The following GALNTL6 variants were observed in gnomAD, a reference collection of about 807,000 sequenced individuals.
GALNTL6 encodes polypeptide N-acetylgalactosaminyltransferase like 6, also known as polypeptide N-acetylgalactosaminyltransferase-like 6.
GALNTL6 carries 46 observed loss-of-function variants against 73.7 expected under a neutral mutation model. That is an observed-to-expected ratio of 0.62 (90% CI 0.49 to 0.80). GALNTL6 has a LOEUF of 0.80. GALNTL6 is among the 30% of genes least tolerant of loss of function. The pLI is 0.00. For synonymous variants in GALNTL6, 259 were observed against 263.7 expected (o/e 0.98, Z 0.17); for missense variants, 604 against 755.0 (o/e 0.80, Z 2.34).
At chr4:172,783,769 C>G (rs1021225546) in intron 5 of GALNTL6, among the ~76,000 whole-genome samples, 2 of 151,956 alleles carry the variant, frequency 1.3e-5, no homozygotes, top group Non-Finnish European at 2.9e-5. Flanking sequence ...AAGCCCTGTT[C>G]AGCATGTTAG....
intron 7 of GALNTL6, among the ~76,000 whole-genome samples, chr4:172,857,116 C>T (rs1359311977): frequency 6.6e-6 from 1 of 152,202 alleles, no homozygotes; most frequent in East Asian, 1.9e-4. Flanking sequence ...GCAGCTCCAC[C>T]GACTTCAGTC....
chr4:172,512,763 A>G (rs758746578), intron 5 of GALNTL6, among the ~76,000 whole-genome samples: 13 of 152,322 alleles, frequency 8.5e-5, no homozygotes, highest in East Asian at 1.9e-4. Flanking sequence ...GAGGCTAAAC[A>G]TAGTACCCCC....
At chr4:172,421,470 C>T (rs1212923799) in intron 5 of GALNTL6, among the ~76,000 whole-genome samples, 2 of 151,180 alleles carry the variant, frequency 1.3e-5, no homozygotes, top group African/African-American at 4.9e-5. Flanking sequence ...TTATAGAAAA[C>T]TTTTAATGGC....
intron 9 of GALNTL6, among the ~76,000 whole-genome samples, chr4:172,948,618 A>ATTTT (rs369982668): frequency 0.047 from 6,399 of 136,422 alleles, 214 homozygotes; most frequent in Non-Finnish European, 0.065. Flanking sequence ...AGCCTCGCTA[A>ATTTT]TTTTTTTTTT....
chr4:172,770,986 G>T (rs1281994560), intron 5 of GALNTL6, among the ~76,000 whole-genome samples: 8 of 152,106 alleles, frequency 5.3e-5, no homozygotes, highest in Non-Finnish European at 1.0e-4. Flanking sequence ...CACTATTTTT[G>T]CTGACTTTGT....
intron 2 of GALNTL6, among the ~76,000 whole-genome samples, chr4:171,984,336 T>A (rs575690774): frequency 6.6e-6 from 1 of 152,166 alleles, no homozygotes. Flanking sequence ...GTCTTAAGGG[T>A]CTTGCTTTGC....
intron 2 of GALNTL6, among the ~76,000 whole-genome samples, chr4:171,905,463 C>T (rs1259701836): frequency 6.6e-6 from 1 of 151,478 alleles, no homozygotes; most frequent in African/African-American, 2.4e-5. Context: ...TATATATGCA[C>T]CCAATACAGG....
At chr4:173,015,836 C>T (rs1403749940) in intron 11 of GALNTL6, among the ~76,000 whole-genome samples, 1 of 152,220 alleles carries the variant, frequency 6.6e-6, no homozygotes, top group African/African-American at 2.4e-5. Context: ...GGGAATATGT[C>T]TCCAGAGCAA....
chr4:172,415,167 G>A lies in GALNTL6; in HGVS notation c.553+66478G>A, dbSNP rs192651201. Among the ~76,000 whole-genome samples, 424 of 152,176 alleles carry A rather than the reference G, an allele frequency of 2.8e-3. 5 individuals are homozygous for A. The highest frequency in any genetic ancestry group is 2.2e-3 in the Non-Finnish European group (152 of 68,012). The stretch of plus-strand genomic sequence containing the variant: ...CATTTTGACCAAATATTTTGCTATC[G>A]GTTTACATGGCTGAGCAACTTTCCA... On this transcript the variant is annotated intron_variant, in intron 5 of 12. Transcript: ENST00000506823.
chr4:172,010,964 T>C (rs1740988669), intron 2 of GALNTL6, among the ~76,000 whole-genome samples: 1 of 152,014 alleles, frequency 6.6e-6, no homozygotes, highest in African/African-American at 2.4e-5. Context: ...GTAAACAAAA[T>C]TATGAAAAAT....
chr4:172,314,989 A>G (rs1007497525), intron 4 of GALNTL6, among the ~76,000 whole-genome samples: 2 of 152,156 alleles, frequency 1.3e-5, no homozygotes, highest in African/African-American at 4.8e-5. Context: ...TGGCTTTATT[A>G]TTTCAGAATC....
chr4:172,074,167 C>T (rs1731634606), intron 2 of GALNTL6, among the ~76,000 whole-genome samples: 1 of 152,146 alleles, frequency 6.6e-6, no homozygotes, highest in Non-Finnish European at 1.5e-5. Context: ...TCAGATAAGA[C>T]ATTTGTTGAC....
intron 5 of GALNTL6, among the ~76,000 whole-genome samples, chr4:172,603,227 A>G (rs1738135122): frequency 6.6e-6 from 1 of 152,236 alleles, no homozygotes; most frequent in Non-Finnish European, 1.5e-5. Context: ...ATACTTAAAT[A>G]GAGTTGATTT....
At chr4:172,745,946 C>T (rs934749796) in intron 5 of GALNTL6, among the ~76,000 whole-genome samples, 1 of 151,968 alleles carries the variant, frequency 6.6e-6, no homozygotes, top group African/African-American at 2.4e-5. Flanking sequence ...TGGACTAAGA[C>T]ATTACTGGTT....
At position 172,948,764 on chromosome 4, in the gene GALNTL6, C is replaced by T. The variant is rs567921148; in HGVS notation, c.1150-3273C>T. Among the ~76,000 whole-genome samples the T allele has an allele frequency of 1.3e-4, 20 of 152,158 alleles. No individual in the cohort carries two copies. The South Asian group carries it at 3.9e-3, about 30-fold the overall frequency. On this transcript the variant is annotated intron_variant, in intron 9 of 12. Transcript: ENST00000506823. ...GGGATTACAGCATGAGCCACGGCAC[C>T]TGGCCATTTTGGAGTGTTTGAGAAA...
In GALNTL6 at chr4:172,519,323, T is replaced by G. The variant is rs77797913; in HGVS notation, c.553+170634T>G. 8.4e-3 allele frequency among the ~76,000 whole-genome samples: 1,261 copies of G among 150,964 alleles called. 10 individuals carry two copies. The highest frequency in any genetic ancestry group is 0.029 in the African/African-American group (1,194 of 41,346). On this transcript the variant is annotated intron_variant, in intron 5 of 12. Coordinates refer to ENST00000506823, the MANE Select transcript of GALNTL6 (RefSeq NM_001034845.3). Reference sequence around the variant, plus strand: ...ATAAATAAGCATAGAATAATAGAAATTCTATTAAAGCAAAAAAGCAACAGG... The same window carrying G: ...ATAAATAAGCATAGAATAATAGAAAGTCTATTAAAGCAAAAAAGCAACAGG...
intron 2 of GALNTL6, among the ~76,000 whole-genome samples, chr4:172,013,817 T>G (rs1294796824): frequency 6.6e-6 from 1 of 151,976 alleles, no homozygotes; most frequent in African/African-American, 2.4e-5. Context: ...TTCTAACTAT[T>G]TTTTGGATCT....
At chr4:171,879,321 A>G (rs917576346) in intron 2 of GALNTL6, among the ~76,000 whole-genome samples, 1 of 152,168 alleles carries the variant, frequency 6.6e-6, no homozygotes, top group Admixed American at 6.5e-5. Flanking sequence ...GCTTTTAAGA[A>G]GTGAAAATGG....
At position 171,901,050 on chromosome 4, in the gene GALNTL6, A is replaced by T. The variant is rs771400824; in HGVS notation, c.138+86332A>T. The stretch of plus-strand genomic sequence containing the variant: ...GGAAGACAAATAGAGCTAATCTGAG[A>T]CACTATTGCAGGGTGCTGAATTACC... On this transcript the variant is annotated intron_variant, in intron 2 of 12. Coordinates refer to ENST00000506823, the MANE Select transcript of GALNTL6 (RefSeq NM_001034845.3). 7.8e-4 allele frequency among the ~76,000 whole-genome samples: 118 copies of T among 152,214 alleles called. 1 individual carries two copies. The highest frequency in any genetic ancestry group is 3.5e-4 in the Non-Finnish European group (24 of 68,042).
Sources: gnomAD v4.1 joint callset for allele counts (sites outside exome capture counted in the v4.1 genomes callset) on GRCh38, gnomAD v4.1.1 for gene constraint, MANE v1.5 for transcripts, NCBI Gene and HGNC (gene_info 2026-07-23, HGNC 2026-07-21) for gene names.